MYH9: variants seen among roughly 807,000 people sequenced by gnomAD.
The protein encoded by MYH9 is myosin-9.
A neutral mutation model predicts 241.9 loss-of-function variants in MYH9; 29 were observed. That is an observed-to-expected ratio of 0.12 (90% confidence interval 0.09 to 0.16). The LOEUF is 0.16. MYH9 is among the 10% of genes least tolerant of loss of function. The probability of loss-of-function intolerance (pLI) is 1.00; values close to 1 mark genes in which losing one functional copy is unlikely to be tolerated. For missense variants in MYH9, 1,803 were observed against 2,595.5 expected, an observed-to-expected ratio of 0.69 and a Z score of 6.63; for synonymous variants, 1,047 against 1,062.6, an observed-to-expected ratio of 0.99 and a Z score of 0.29.
rs1263071876 is a variant in MYH9, at chr22:36,329,864, T to C, written c.491-2376A>G. 1.3e-5 allele frequency among the ~76,000 whole-genome samples: 2 copies of C among 152,194 alleles called. No individual in the cohort carries two copies. The highest frequency in any genetic ancestry group is 1.9e-4 in the East Asian group (1 of 5,194). On this transcript the variant is annotated intron_variant, in intron 3 of 40. Transcript: ENST00000216181. The surrounding 1 kb of genome is among the most constrained non-coding windows in gnomAD (Gnocchi z 4.1). The stretch of plus-strand genomic sequence containing the variant: ...ATGGAGGTAGGTGTACAGAGGTACG[T>C]GTGCACAGAAATACATGCGCACACA...
rs1277381630 is a variant in MYH9 at position 36,293,739 on chromosome 22, G to A, written c.3942+20C>T. On this transcript the variant is annotated intron_variant, in intron 29 of 40. Coordinates refer to ENST00000216181, the MANE Select transcript of MYH9 (RefSeq NM_002473.6). The surrounding 1 kb of genome is among the most constrained non-coding windows in gnomAD (Gnocchi z 5.1). ...CTTTCTGGAGGGGTCCACCTTCTGG[G>A]AACCTGGCGCCACCCCTACCTGAGT... 6.2e-7 allele frequency: 1 copy of A among 1,609,344 alleles called. No homozygotes were observed.
In MYH9 at chr22:36,334,549, G is replaced by A. The variant is rs982470650; in HGVS notation, c.490+6821C>T. 2.6e-5 allele frequency among the ~76,000 whole-genome samples: 4 copies of A among 152,226 alleles called. No homozygotes were observed. In the South Asian group the frequency reaches 6.2e-4, roughly 24 times the overall value. ...TGTGTGGCGCGGTCGCTGCAGGGGC[G>A]GCTGTGACAACTCACTTCCTGCACC... On this transcript the variant is annotated intron_variant, in intron 3 of 40. Coordinates refer to ENST00000216181, the MANE Select transcript of MYH9 (RefSeq NM_002473.6).
Position 36,349,077 on chromosome 22 carries a change from C to T in MYH9, c.160G>A (p.Ala54Thr). The T allele has an allele frequency of 1.2e-6, 2 of 1,614,244 alleles. No homozygotes were observed. The highest frequency in any genetic ancestry group is 1.7e-6 in the Non-Finnish European group (2 of 1,180,046). The change falls in exon 2 of 41, where the codon GCC becomes ACC. Residue 54 changes from alanine to threonine, a missense_variant. Physicochemically the swap from Ala to Thr is moderately conservative, Grantham distance 58. This residue lies in a region of MYH9 where 75 missense variants were observed against 79.1 expected (regional missense o/e 0.95). Coordinates refer to ENST00000216181, the MANE Select transcript of MYH9 (RefSeq NM_002473.6). ...ASLKEEVGEE[A>T]IVELVENGKK... The stretch of plus-strand genomic sequence containing the variant: ...CCATTCTCCACCAGCTCCACGATGG[C>T]CTCTTCGCCCACCTCCTCCTTGAGG...
chr22:36,320,135 C>A lies in MYH9; in HGVS notation c.1012+85G>T. 6.3e-7 allele frequency: 1 copy of A among 1,576,028 alleles called. No individual in the cohort carries two copies. The highest frequency in any genetic ancestry group is 2.2e-5 in the East Asian group (1 of 44,734). The stretch of plus-strand genomic sequence containing the variant: ...CCTGGCCTCTAGCAGGCTCCCCAGG[C>A]CCATCGGCTACCCTGATGCCCCGAG... On this transcript the variant is annotated intron_variant, in intron 9 of 40. Transcript: ENST00000216181. This position sits in a 1 kb window ranked among gnomAD's most constrained non-coding sequence, Gnocchi z 4.8.
At chr22:36,286,573 G>A in intron 35 of MYH9, 145 bp downstream of exon 35, 3 of 1,163,740 alleles carry the variant, frequency 2.6e-6, no homozygotes, top group Non-Finnish European at 3.7e-6. Flanking sequence ...GAACCCTGGA[G>A]GGAATCCTTA....
intron 1 of MYH9, among the ~76,000 whole-genome samples, chr22:36,361,811 C>T (rs577812558): frequency 6.6e-6 from 1 of 152,318 alleles, no homozygotes; most frequent in African/African-American, 2.4e-5. Context: ...GTGGCTCACG[C>T]CTGTAATCCC....
chr22:36,297,148 C>CG, intron 24 of MYH9, 134 bp from the exon 25 acceptor site: 1 of 986,322 alleles, frequency 1.0e-6, no homozygotes, highest in Non-Finnish European at 1.5e-6. Context: ...CACAGACACT[C>CG]GCACCCAACT....
intron 23 of MYH9, among the ~76,000 whole-genome samples, chr22:36,299,632 A>C (rs1271596660): frequency 1.3e-5 from 2 of 152,070 alleles, no homozygotes; most frequent in African/African-American, 4.8e-5. Flanking sequence ...GGAGGCCCGA[A>C]AGGTGGGGAG....
intron 1 of MYH9, among the ~76,000 whole-genome samples, chr22:36,382,250 G>A (rs571752672): frequency 6.6e-6 from 1 of 152,244 alleles, no homozygotes; most frequent in East Asian, 1.9e-4. Flanking sequence ...CAAGGCGGGC[G>A]GATCACCTGA....
chr22:36,351,783 G>A (rs1031921311), intron 1 of MYH9, among the ~76,000 whole-genome samples: 1 of 152,024 alleles, frequency 6.6e-6, no homozygotes, highest in African/African-American at 2.4e-5. Flanking sequence ...GAATAGCAGA[G>A]AGACTCACTT....
intron 31 of MYH9, among the ~76,000 whole-genome samples, 192 bp downstream of exon 31, chr22:36,291,794 G>A (rs985063354): frequency 1.1e-4 from 16 of 150,156 alleles, no homozygotes; most frequent in Non-Finnish European, 1.9e-4. Flanking sequence ...GCATGAAGAC[G>A]CCCTCTTCCG....
chr22:36,345,726 T>C (rs1603483962), intron 2 of MYH9, among the ~76,000 whole-genome samples: 1 of 152,246 alleles, frequency 6.6e-6, no homozygotes, highest in African/African-American at 2.4e-5. Flanking sequence ...AAGCAACAGA[T>C]GAGACACAAT....
At chr22:36,354,747 G>A (rs2017825481) in intron 1 of MYH9, among the ~76,000 whole-genome samples, 1 of 151,900 alleles carries the variant, frequency 6.6e-6, no homozygotes, top group Admixed American at 6.6e-5. Context: ...CCCGGCCGTA[G>A]TGTACCACCA....
Position 36,288,157 on chromosome 22 carries a change from C to T in MYH9, c.4932+95G>A. 9 of 1,514,824 alleles carry T rather than the reference C, an allele frequency of 5.9e-6. No individual in the cohort carries two copies. The South Asian group carries it at 1.0e-4, about 17-fold the overall frequency. 93.8% of individuals were successfully genotyped at this position (1,514,824 alleles called of 1,614,324 possible). Reference sequence around the variant, plus strand: ...GACCTTCCCAGGAGGTGCCACCCTGCCAGGTTCCCGCCCTGGGCCGAGCCC... The same window carrying T: ...GACCTTCCCAGGAGGTGCCACCCTGTCAGGTTCCCGCCCTGGGCCGAGCCC... On this transcript the variant is annotated intron_variant, in intron 34 of 40. Transcript: ENST00000216181. The surrounding 1 kb of genome is among the most constrained non-coding windows in gnomAD (Gnocchi z 4.8).
chr22:36,360,904 C>T (rs1301843998), intron 1 of MYH9, among the ~76,000 whole-genome samples: 1 of 152,150 alleles, frequency 6.6e-6, no homozygotes, highest in Non-Finnish European at 1.5e-5. Flanking sequence ...CCTGCAGGCA[C>T]CACCCAGGCC....
At chr22:36,299,411 C>G (rs564469545) in intron 23 of MYH9, among the ~76,000 whole-genome samples, 2 of 152,212 alleles carry the variant, frequency 1.3e-5, no homozygotes, top group African/African-American at 2.4e-5. Flanking sequence ...CCGTGCCCCT[C>G]TCTCACCTGC....
chr22:36,284,850 G>A (rs1328918141), intron 38 of MYH9, among the ~76,000 whole-genome samples: 2 of 152,252 alleles, frequency 1.3e-5, no homozygotes, highest in African/African-American at 4.8e-5. Context: ...TAGTGGGCAG[G>A]ACCCCCCTGT....
chr22:36,307,757 G>T (rs554365642), intron 15 of MYH9, among the ~76,000 whole-genome samples: 1 of 152,068 alleles, frequency 6.6e-6, no homozygotes, highest in African/African-American at 2.4e-5. Context: ...GCGTGGTGGC[G>T]GGTGCCTGTA....
At position 36,366,878 on chromosome 22, in the gene MYH9, A is replaced by C. The variant is rs568570094; in HGVS notation, c.-19-17623T>G. On this transcript the variant is annotated intron_variant, in intron 1 of 40. Transcript: ENST00000216181. The stretch of plus-strand genomic sequence containing the variant: ...GGGGTGGCACAACTTAGACTAGAAC[A>C]AACCCCCATCCTGATCCTAACGGCC... Among the ~76,000 whole-genome samples, 437 of 152,260 alleles carry C rather than the reference A, an allele frequency of 2.9e-3. 4 individuals are homozygous for C. Among genetic ancestry groups the C allele is most frequent in the African/African-American group, 9.8e-3 (409 of 41,540 alleles).
Sources: gnomAD v4.1 joint callset for allele counts (sites outside exome capture counted in the v4.1 genomes callset) on GRCh38, gnomAD v4.1.1 for gene constraint, gnomAD v4.1.1 regional missense constraint, Gnocchi (gnomAD v3.1) non-coding constraint, MANE v1.5 for transcripts, NCBI Gene and HGNC (gene_info 2026-07-23, HGNC 2026-07-21) for gene names.